The following ZDHHC5 variants were observed in gnomAD, a reference collection of about 807,000 sequenced individuals.
ZDHHC5 encodes zDHHC palmitoyltransferase 5.
In ZDHHC5, 22 loss-of-function variants were observed where a neutral mutation model predicts 70.0. The observed-to-expected ratio is 0.31, with a 90% confidence interval of 0.22 to 0.45. ZDHHC5 has a LOEUF of 0.45. Ranked by LOEUF, ZDHHC5 falls within the 20% of genes least tolerant of loss-of-function variation. The pLI, the probability that ZDHHC5 is intolerant of heterozygous loss-of-function variation, is 1.00. For synonymous variants in ZDHHC5, 313 were observed against 347.8 expected, an observed-to-expected ratio of 0.90 and a Z score of 1.11; for missense variants, 746 against 926.9, an observed-to-expected ratio of 0.80 and a Z score of 2.53.
At chr11:57,684,437 T>C (rs1281129943) in intron 3 of ZDHHC5, among the ~76,000 whole-genome samples, 2 of 152,036 alleles carry the variant, frequency 1.3e-5, no homozygotes, top group Admixed American at 1.3e-4. Flanking sequence ...TACAAAAAAT[T>C]AGCCGGGTGT....
Position 57,696,840 on chromosome 11 carries a change from G to A in ZDHHC5, c.1089G>A (p.Thr363=), listed in dbSNP as rs1946358784. The part of the protein sequence containing the change: ...KYRPGYSSSS[T]SAAMPHSSSA... Reference sequence around the variant, plus strand: ...GGCCGGGTTACAGTAGCAGCAGTACGTCAGCTGCCATGCCGCATTCCTCCA... The same window carrying A: ...GGCCGGGTTACAGTAGCAGCAGTACATCAGCTGCCATGCCGCATTCCTCCA... Residue 363 remains threonine, a synonymous_variant, in exon 10 of 12, where the codon ACG becomes ACA. Coordinates refer to ENST00000287169, the MANE Select transcript of ZDHHC5 (RefSeq NM_015457.3). 3 of 1,613,896 alleles carry A rather than the reference G, an allele frequency of 1.9e-6. No homozygotes were observed. Among genetic ancestry groups the A allele is most frequent in the Non-Finnish European group, 2.5e-6 (3 of 1,179,858 alleles).
chr11:57,699,388 A>T lies in ZDHHC5; in HGVS notation c.1952A>T (p.Glu651Val), dbSNP rs1590874319. 1.9e-6 allele frequency: 3 copies of T among 1,591,258 alleles called. No individual in the cohort carries two copies. The highest frequency in any genetic ancestry group is 2.6e-6 in the Non-Finnish European group (3 of 1,168,026). ...CAACCTGGTGTCTCTGAGACAGAAG[A>T]AGTGGCCTTGCAGCCATTACTGACA... is the stretch of plus-strand genomic sequence containing the variant. ...KAQPGVSETE[E>V]VALQPLLTPK... Residue 651 changes from glutamate to valine, a missense_variant, in exon 11 of 12, where the codon GAA becomes GTA. By Grantham distance (121) the Glu-to-Val change is moderately radical (BLOSUM62 -2). This residue lies in a region of ZDHHC5 where 340 missense variants were observed against 350.1 expected (regional missense o/e 0.97). Coordinates refer to ENST00000287169, the MANE Select transcript of ZDHHC5 (RefSeq NM_015457.3).
Position 57,673,159 on chromosome 11 carries a change from C to T in ZDHHC5, c.69C>T (p.Phe23=), listed in dbSNP as rs1946028249. 1 of 1,613,934 alleles carries T rather than the reference C, an allele frequency of 6.2e-7. No homozygotes were observed. Among genetic ancestry groups the T allele is most frequent in the Non-Finnish European group, 8.5e-7 (1 of 1,179,888 alleles). ...TCCCGGTCTCTGCAGCCGCCATCTT[C>T]CTAGTGGGAGCTACGACACTCTTCT... is the stretch of plus-strand genomic sequence containing the variant. The part of the protein sequence containing the change: ...KYVPVSAAAI[F]LVGATTLFFA... The change falls in exon 2 of 12, where the codon TTC becomes TTT. Residue 23 remains phenylalanine (F), a synonymous_variant. Transcript: ENST00000287169.
rs115479634 is a variant in ZDHHC5, at chr11:57,681,126, T to C, written c.105-1296T>C. Among the ~76,000 whole-genome samples the C allele has an allele frequency of 1.8e-3, 281 of 152,350 alleles. 1 individual carries two copies. Among genetic ancestry groups the C allele is most frequent in the African/African-American group, 6.5e-3 (269 of 41,586 alleles). ...TGGTAAAGATTTGTGAGATGCTTTG[T>C]GACAGTTTTGTCTCTTATCTTGATT... On this transcript the variant is annotated intron_variant, in intron 2 of 11. Transcript: ENST00000287169.
chr11:57,689,039 G>A (rs939470729), intron 4 of ZDHHC5, among the ~76,000 whole-genome samples: 5 of 152,132 alleles, frequency 3.3e-5, no homozygotes, highest in African/African-American at 1.2e-4. Flanking sequence ...CTAGCAGGGT[G>A]TAGGCTTTCT....
intron 3 of ZDHHC5, among the ~76,000 whole-genome samples, chr11:57,684,516 GT>G (rs1235286855): frequency 2.6e-5 from 4 of 152,120 alleles, no homozygotes; most frequent in African/African-American, 9.7e-5. Flanking sequence ...GGAGGAGAGA[GT>G]TTTTTAGGAT....
At chr11:57,687,780 T>TTTA (rs1946227702) in intron 3 of ZDHHC5, among the ~76,000 whole-genome samples, 1 of 116,828 alleles carries the variant, frequency 8.6e-6, no homozygotes, top group Non-Finnish European at 1.8e-5. Context: ...TTTTTTTTTT[T>TTTA]TTAAGATGAA....
intron 1 of ZDHHC5, among the ~76,000 whole-genome samples, chr11:57,669,934 A>G (rs762795238): frequency 6.6e-6 from 1 of 152,096 alleles, no homozygotes; most frequent in African/African-American, 2.4e-5. Flanking sequence ...TTTCCCTTCT[A>G]CTGTGTAGCC....
chr11:57,673,652 C>T (rs866636951), intron 2 of ZDHHC5, among the ~76,000 whole-genome samples: 10 of 152,174 alleles, frequency 6.6e-5, no homozygotes, highest in Admixed American at 2.0e-4. Context: ...CTCACTGCAA[C>T]GTCCGCCTCC....
At chr11:57,693,639 T>C (rs1946313526) in intron 7 of ZDHHC5, 144 bp from the exon 8 acceptor site, 1 of 1,271,852 alleles carries the variant, frequency 7.9e-7, no homozygotes, top group Non-Finnish European at 1.0e-6. Context: ...ATTCTGTTTA[T>C]TGCTAAGTAA....
At chr11:57,691,523 T>G (rs1408209107) in intron 6 of ZDHHC5, among the ~76,000 whole-genome samples, 1 of 152,136 alleles carries the variant, frequency 6.6e-6, no homozygotes, top group African/African-American at 2.4e-5. Context: ...AACAAAATAA[T>G]ATCTATCTCC....
rs1290715828 is a variant in ZDHHC5 at position 57,672,454 on chromosome 11, A to C, written c.-637A>C. Reference sequence around the variant, plus strand: ...AGCCCTGGTGAAGTCAGGGTGTGGGAGTGGTGGCATTGAGAAGACTACCTA... The same window carrying C: ...AGCCCTGGTGAAGTCAGGGTGTGGGCGTGGTGGCATTGAGAAGACTACCTA... On this transcript the variant is annotated 5_prime_UTR_variant, in exon 2 of 12. Coordinates refer to ENST00000287169, the MANE Select transcript of ZDHHC5 (RefSeq NM_015457.3). 1 of 383,774 alleles carries C rather than the reference A, an allele frequency of 2.6e-6. No homozygotes were observed. The highest frequency in any genetic ancestry group is 4.5e-5 in the Admixed American group (1 of 22,260). 23.8% of individuals were successfully genotyped at this position (383,774 alleles called of 1,614,324 possible).
chr11:57,683,507 A>G (rs190824038), intron 3 of ZDHHC5, among the ~76,000 whole-genome samples: 141 of 152,302 alleles, frequency 9.3e-4, no homozygotes, highest in African/African-American at 3.1e-3. Context: ...GATAAGTTGG[A>G]TACTGATTTT....
At chr11:57,670,918 C>T (rs779379872) in intron 1 of ZDHHC5, among the ~76,000 whole-genome samples, 9 of 150,104 alleles carry the variant, frequency 6.0e-5, no homozygotes, top group Non-Finnish European at 1.2e-4. Flanking sequence ...TCAAGTGATT[C>T]TCCTGCCTCA....
At position 57,682,466 on chromosome 11, in the gene ZDHHC5, A is replaced by G. The variant is rs1946161004; in HGVS notation, c.149A>G (p.Tyr50Cys). ...SLYVSPAVPIYNAIMFLFVLA... is the reference protein window; with the variant it reads ...SLYVSPAVPICNAIMFLFVLA... The stretch of plus-strand genomic sequence containing the variant: ...TATGTGTCACCTGCAGTGCCCATCT[A>G]CAATGCAATTATGTTTCTCTTTGTG... Residue 50 changes from tyrosine to cysteine, a missense_variant, in exon 3 of 12, where the codon TAC (tyrosine) becomes TGC (cysteine). Transcript: ENST00000287169. The G allele has an allele frequency of 4.3e-6, 7 of 1,614,168 alleles. No homozygotes were observed. The highest frequency in any genetic ancestry group is 5.9e-6 in the Non-Finnish European group (7 of 1,180,018).
intron 3 of ZDHHC5, among the ~76,000 whole-genome samples, chr11:57,686,949 G>C (rs1946215331): frequency 1.3e-5 from 2 of 151,436 alleles, no homozygotes; most frequent in South Asian, 4.2e-4. Flanking sequence ...TCCTGCCTCA[G>C]CCTCCCAAGT....
intron 1 of ZDHHC5, among the ~76,000 whole-genome samples, 183 bp from the exon 2 acceptor site, chr11:57,671,838 G>T (rs1946010433): frequency 6.6e-6 from 1 of 152,148 alleles, no homozygotes; most frequent in South Asian, 2.1e-4. Context: ...ACAGAGCAAA[G>T]GATTCTCAAG....
chr11:57,695,755 C>T (rs563462631), intron 8 of ZDHHC5, among the ~76,000 whole-genome samples, 165 bp from the exon 9 acceptor site: 1 of 150,574 alleles, frequency 6.6e-6, no homozygotes, highest in South Asian at 2.1e-4. Flanking sequence ...TCATGCGTAC[C>T]ACTGTACTCC....
At position 57,672,841 on chromosome 11, in the gene ZDHHC5, C is replaced by G; in HGVS notation, c.-250C>G. On this transcript the variant is annotated 5_prime_UTR_variant, in exon 2 of 12. Transcript: ENST00000287169. ...AAGTTGTGTTTCTTAATCTTCCCTT[C>G]TGCCTTGTTCTGGGGAGGTGGTTAT... 1 of 446,978 alleles carries G rather than the reference C, an allele frequency of 2.2e-6. No individual in the cohort carries two copies. The highest frequency in any genetic ancestry group is 4.1e-6 in the Non-Finnish European group (1 of 242,128). 27.7% of individuals were successfully genotyped at this position (446,978 alleles called of 1,614,324 possible).
Sources: gnomAD v4.1 joint callset for allele counts (sites outside exome capture counted in the v4.1 genomes callset) on GRCh38, gnomAD v4.1.1 for gene constraint, gnomAD v4.1.1 regional missense constraint, MANE v1.5 for transcripts, NCBI Gene and HGNC (gene_info 2026-07-23, HGNC 2026-07-21) for gene names.